Variants in TUT4 observed in about 807,000 individuals in gnomAD.
TUT4 encodes terminal uridylyl transferase 4, also known as terminal uridylyltransferase 4.
A neutral mutation model predicts 192.2 loss-of-function variants in TUT4; 36 were observed. The ratio of observed to expected loss-of-function variants is 0.19; its 90% CI spans 0.14 to 0.25. The LOEUF (loss-of-function observed/expected upper bound fraction) is 0.25. Among genes scored for constraint, TUT4 ranks in the 10% least tolerant of loss-of-function variants. TUT4 has a pLI of 1.00. For missense variants in TUT4, 1,493 were observed against 1,957.2 expected, an observed-to-expected ratio of 0.76 and a Z score of 4.47; for synonymous variants, 618 against 666.0, an observed-to-expected ratio of 0.93 and a Z score of 1.11.
intron 14 of TUT4, among the ~76,000 whole-genome samples, chr1:52,469,874 G>C (rs983806235): frequency 2.2e-5 from 3 of 139,168 alleles, no homozygotes; most frequent in African/African-American, 8.2e-5. Context: ...CTGGGCGACA[G>C]AGCGAGACTC....
chr1:52,500,710 C>T (rs530505693), intron 4 of TUT4, among the ~76,000 whole-genome samples: 1 of 151,922 alleles, frequency 6.6e-6, no homozygotes, highest in Admixed American at 6.6e-5. Flanking sequence ...TGCAATGAGC[C>T]GAGATTGTGC....
At chr1:52,517,102 C>T (rs1571198161) in intron 2 of TUT4, among the ~76,000 whole-genome samples, 2 of 152,162 alleles carry the variant, frequency 1.3e-5, no homozygotes, top group East Asian at 3.8e-4. Context: ...TTAATATTTA[C>T]CTGTCCTTCA....
intron 4 of TUT4, among the ~76,000 whole-genome samples, chr1:52,499,492 CTGGGAGGCTGAGG>C (rs1292739348): frequency 6.6e-6 from 1 of 151,982 alleles, no homozygotes; most frequent in Non-Finnish European, 1.5e-5. Context: ...TCCTAGCACT[CTGGGAGGCTGAGG>C]TGGGAGGATC....
intron 3 of TUT4, among the ~76,000 whole-genome samples, chr1:52,513,355 T>C (rs1571157017): frequency 7.9e-6 from 1 of 127,124 alleles, no homozygotes; most frequent in Non-Finnish European, 1.5e-5. Context: ...ACTGAACCAC[T>C]GCAATTCAGC....
chr1:52,468,917 A>T (rs1335180180), intron 14 of TUT4, among the ~76,000 whole-genome samples: 5 of 152,218 alleles, frequency 3.3e-5, no homozygotes. Flanking sequence ...ACTTATCCCC[A>T]AAAGTTAACA....
intron 2 of TUT4, among the ~76,000 whole-genome samples, chr1:52,516,455 A>C (rs1281401848): frequency 6.6e-6 from 1 of 152,224 alleles, no homozygotes; most frequent in East Asian, 1.9e-4. Context: ...CTAGCAATTA[A>C]AACAACATAT....
At chr1:52,531,622 T>G (rs1209623369) in intron 1 of TUT4, among the ~76,000 whole-genome samples, 1 of 152,176 alleles carries the variant, frequency 6.6e-6, no homozygotes, top group Non-Finnish European at 1.5e-5. Flanking sequence ...TGAATTATTT[T>G]TAATTGTTCA....
At chr1:52,447,032 T>C (rs1350814026) in intron 20 of TUT4, among the ~76,000 whole-genome samples, 1 of 152,064 alleles carries the variant, frequency 6.6e-6, no homozygotes, top group Non-Finnish European at 1.5e-5. Flanking sequence ...AAATACAAAA[T>C]AGATAATACC....
At chr1:52,471,921 G>C (rs778283269) in intron 14 of TUT4, 31 bp downstream of exon 14, 6 of 1,582,712 alleles carry the variant, frequency 3.8e-6, no homozygotes, top group Non-Finnish European at 4.3e-6. Context: ...AAGGAATCTA[G>C]TCCCAATAGT....
At chr1:52,510,484 G>A (rs1676860703) in intron 3 of TUT4, among the ~76,000 whole-genome samples, 2 of 152,082 alleles carry the variant, frequency 1.3e-5, no homozygotes, top group South Asian at 4.1e-4. Context: ...CCACAAACAT[G>A]TAAGAAATTT....
intron 1 of TUT4, among the ~76,000 whole-genome samples, chr1:52,538,869 G>A (rs1056640460): frequency 6.6e-6 from 1 of 152,050 alleles, no homozygotes; most frequent in Non-Finnish European, 1.5e-5. Context: ...CCAAGTTAAA[G>A]AGAGTGTTGA....
intron 16 of TUT4, chr1:52,462,175 C>CT (rs1210058850): frequency 0.26 from 31,292 of 121,030 alleles, 5,658 homozygotes; most frequent in African/African-American, 0.51. Flanking sequence ...GGATTCAAAT[C>CT]TTTTTTTTTT....
Position 52,430,273 on chromosome 1 carries a change from T to C in TUT4, c.4711+740A>G, listed in dbSNP as rs201117584. On this transcript the variant is annotated intron_variant, in intron 28 of 29. Transcript: ENST00000257177. ...ACTCTTGGACCTACCATCATTAATTTTTTTGGTTTCCTTGATCTTTTTTTT... is the reference window on the plus strand; with the variant it reads ...ACTCTTGGACCTACCATCATTAATTCTTTTGGTTTCCTTGATCTTTTTTTT... Among the ~76,000 whole-genome samples, 15 of 152,218 alleles carry C rather than the reference T, an allele frequency of 9.9e-5. No homozygotes were observed. In the East Asian group the frequency reaches 2.9e-3, roughly 29 times the overall value.
At chr1:52,466,509 G>A (rs980813220) in intron 15 of TUT4, among the ~76,000 whole-genome samples, 7 of 151,086 alleles carry the variant, frequency 4.6e-5, no homozygotes, top group South Asian at 2.1e-4. Context: ...GTGGTGGCGC[G>A]CACCTGTGGT....
chr1:52,461,537 G>C lies in TUT4; in HGVS notation c.3207C>G (p.Gly1069=), dbSNP rs776182385. The C allele has an allele frequency of 1.9e-6, 3 of 1,612,146 alleles. No homozygotes were observed. The African/African-American group carries it at 4.0e-5, about 22-fold the overall frequency. The change falls in exon 18 of 30, where the codon GGC becomes GGG. Residue 1069 remains glycine, a synonymous_variant. Coordinates refer to ENST00000257177, the MANE Select transcript of TUT4 (RefSeq NM_001009881.3). The part of the protein sequence containing the change: ...KFEHRRSGLE[G]DISLYNTLAQ... ...CCAACGTATTATATAAACTGATATC[G>C]CCTTCTAACCCACTTCGCCTGTGTT...
intron 3 of TUT4, among the ~76,000 whole-genome samples, chr1:52,513,935 T>C (rs758215399): frequency 7.2e-5 from 11 of 152,106 alleles, no homozygotes; most frequent in Non-Finnish European, 1.0e-4. Flanking sequence ...ATAACACAAG[T>C]AAAGTTTTTG....
intron 1 of TUT4, among the ~76,000 whole-genome samples, chr1:52,550,014 C>G (rs911034619): frequency 1.3e-5 from 2 of 152,126 alleles, no homozygotes; most frequent in East Asian, 3.8e-4. Context: ...ACCCTTTCTT[C>G]TCCTTGGGCC....
chr1:52,513,230 C>G (rs1057269171), intron 3 of TUT4, among the ~76,000 whole-genome samples: 1 of 149,674 alleles, frequency 6.7e-6, no homozygotes, highest in East Asian at 2.0e-4. Context: ...GGCAAAACAC[C>G]ATCTCTAAAA....
At chr1:52,527,020 C>T (rs765637318) in intron 1 of TUT4, among the ~76,000 whole-genome samples, 194 of 151,984 alleles carry the variant, frequency 1.3e-3, no homozygotes, top group Middle Eastern at 6.9e-3. Context: ...AGGAACGAAA[C>T]TCCATCTCAA....
Sources: allele counts gnomAD v4.1 joint callset (sites outside exome capture counted in the v4.1 genomes callset), GRCh38; gene constraint gnomAD v4.1.1; transcripts MANE v1.5; gene names NCBI Gene and HGNC (gene_info 2026-07-23, HGNC 2026-07-21).